The following MKNK1 variants were observed in gnomAD, a reference collection of about 807,000 sequenced individuals.
MKNK1 encodes the protein MAP kinase-interacting serine/threonine-protein kinase 1.
A neutral mutation model predicts 49.3 loss-of-function variants in MKNK1; 30 were observed. The observed-to-expected ratio is 0.61, with a 90% CI of 0.46 to 0.83. MKNK1 has a LOEUF of 0.83. Among genes scored for constraint, MKNK1 ranks in the 40% least tolerant of loss-of-function variants. The pLI is 0.00. For synonymous variants in MKNK1, 176 were observed against 201.7 expected (o/e 0.87, Z 1.08); for missense variants, 423 against 524.7 (o/e 0.81, Z 1.89).
At chr1:46,588,054 T>C (rs1672830992) in intron 2 of MKNK1, among the ~76,000 whole-genome samples, 1 of 152,234 alleles carries the variant, frequency 6.6e-6, no homozygotes, top group Admixed American at 6.5e-5. Context: ...TTTTGCCATA[T>C]TTCAGGTAAG....
intron 12 of MKNK1, among the ~76,000 whole-genome samples, chr1:46,559,114 T>C (rs1667474794): frequency 6.6e-6 from 1 of 152,184 alleles, no homozygotes; most frequent in Admixed American, 6.5e-5. Context: ...ACTGGGCACA[T>C]GAAACACACC....
intron 4 of MKNK1, among the ~76,000 whole-genome samples, chr1:46,576,856 A>G (rs1671038906): frequency 6.6e-6 from 1 of 152,186 alleles, no homozygotes; most frequent in Non-Finnish European, 1.5e-5. Flanking sequence ...AGCTCAGCTG[A>G]GCCCATTCCA....
chr1:46,593,553 T>A (rs1213027693), intron 2 of MKNK1: 3 of 152,402 alleles, frequency 2.0e-5, no homozygotes, highest in Admixed American at 1.3e-4. Flanking sequence ...AGTAGTTGTT[T>A]TAATTTCATA....
chr1:46,601,196 C>A (rs567329256), intron 1 of MKNK1, among the ~76,000 whole-genome samples: 1 of 152,178 alleles, frequency 6.6e-6, no homozygotes, highest in African/African-American at 2.4e-5. Flanking sequence ...GGATTACAGG[C>A]GTGAGCCACA....
chr1:46,572,073 C>T lies in MKNK1; in HGVS notation c.447G>A (p.Leu149=). 1 of 1,614,030 alleles carries T rather than the reference C, an allele frequency of 6.2e-7. No individual in the cohort carries two copies. Among genetic ancestry groups the T allele is most frequent in the Non-Finnish European group, 8.5e-7 (1 of 1,179,916 alleles). ...VRDVAAALDF[L]HTKGIAHRDL... The stretch of plus-strand genomic sequence containing the variant: ...AAAGGCTGGGTTCACCTTTGGTATG[C>T]AGGAAGTCAAGGGCAGCAGCAACGT... The change falls in exon 7 of 13, where the codon CTG becomes CTA. Residue 149 remains leucine (L), a synonymous_variant. Transcript: ENST00000371945.
chr1:46,558,559 G>A lies in MKNK1; in HGVS notation c.*16C>T. On this transcript the variant is annotated 3_prime_UTR_variant, in exon 13 of 13. Transcript: ENST00000371945. ...CCTGGCCAGGCCTAGGGCCTATAAGGTGTGACTGGAGCATTTCAGAGTGCT... is the reference window on the plus strand; with the variant it reads ...CCTGGCCAGGCCTAGGGCCTATAAGATGTGACTGGAGCATTTCAGAGTGCT... The A allele has an allele frequency of 6.3e-7, 1 of 1,590,748 alleles. No homozygotes were observed. The highest frequency in any genetic ancestry group is 2.2e-5 in the East Asian group (1 of 44,746).
In MKNK1 at chr1:46,589,602, G is replaced by A. The variant is rs1557884955; in HGVS notation, c.-3+4511C>T. The stretch of plus-strand genomic sequence containing the variant: ...TGAGTGAACGAGCACTGATGGTACT[G>A]AAGGTATAGTAAGTGTGAAGGATAC... On this transcript the variant is annotated intron_variant, in intron 2 of 12. Coordinates refer to ENST00000371945, the MANE Select transcript of MKNK1 (RefSeq NM_001135553.4). This position sits in a 1 kb window ranked among gnomAD's most constrained non-coding sequence, Gnocchi z 4.3. 6.6e-6 allele frequency among the ~76,000 whole-genome samples: 1 copy of A among 152,196 alleles called. No homozygotes were observed. Among genetic ancestry groups the A allele is most frequent in the Non-Finnish European group, 1.5e-5 (1 of 68,034 alleles).
chr1:46,584,427 G>GA (rs1672201029), intron 2 of MKNK1: 1 of 151,854 alleles, frequency 6.6e-6, no homozygotes, highest in African/African-American at 2.4e-5. Flanking sequence ...GTGCTGATGG[G>GA]GCATACGATG....
At position 46,558,434 on chromosome 1, in the gene MKNK1, C is replaced by G; in HGVS notation, c.*141G>C. ...TAGGGAAATGGGGGTTGATGGGAACCTCAGGGCCTTCGTAGATGAAAAAGC... is the reference window on the plus strand; with the variant it reads ...TAGGGAAATGGGGGTTGATGGGAACGTCAGGGCCTTCGTAGATGAAAAAGC... On this transcript the variant is annotated 3_prime_UTR_variant, in exon 13 of 13. Transcript: ENST00000371945. 4 of 844,212 alleles carry G rather than the reference C, an allele frequency of 4.7e-6. No individual in the cohort carries two copies. The highest frequency in any genetic ancestry group is 7.1e-6 in the Non-Finnish European group (4 of 565,236). The allele number at this position is 844,212 out of a possible 1,614,324, so 52.3% of individuals were successfully genotyped here. A position where few individuals can be genotyped will look rare whatever the true frequency, so the allele number is the denominator to read the frequency against.
Position 46,557,672 on chromosome 1 carries a change from G to C in MKNK1, c.*903C>G, listed in dbSNP as rs868472145. 6.6e-6 allele frequency: 1 copy of C among 152,542 alleles called. No homozygotes were observed. Among genetic ancestry groups the C allele is most frequent in the Non-Finnish European group, 1.5e-5 (1 of 68,046 alleles). 9.4% of individuals were successfully genotyped at this position (152,542 alleles called of 1,614,324 possible). The stretch of plus-strand genomic sequence containing the variant: ...GCCCAGATCTGTGCCACCCACACAA[G>C]ACCTGGGGACACAGCAGCAGACACC... On this transcript the variant is annotated 3_prime_UTR_variant, in exon 13 of 13. Transcript: ENST00000371945.
At chr1:46,578,367 G>A (rs1271188013) in intron 4 of MKNK1, among the ~76,000 whole-genome samples, 1 of 152,070 alleles carries the variant, frequency 6.6e-6, no homozygotes, top group Non-Finnish European at 1.5e-5. Flanking sequence ...GAAAGAGTAG[G>A]GGAGAGAAGA....
At chr1:46,565,318 T>TTA in intron 8 of MKNK1, 182 bp from the exon 9 acceptor site, 1 of 611,396 alleles carries the variant, frequency 1.6e-6, no homozygotes, top group South Asian at 1.9e-5. Context: ...AAGTGTCTTA[T>TTA]TCCCTGAGCT....
rs75856478 is a variant in MKNK1 at position 46,565,452 on chromosome 1, T to G, written c.514-316A>C. The G allele has an allele frequency of 5.7e-3, 2,117 of 370,170 alleles. 48 individuals are homozygous for G. Among genetic ancestry groups the G allele is most frequent in the African/African-American group, 0.041 (1,951 of 48,002 alleles). 22.9% of individuals were successfully genotyped at this position (370,170 alleles called of 1,614,324 possible). A position where few individuals can be genotyped will look rare whatever the true frequency, so the allele number is the denominator to read the frequency against. On this transcript the variant is annotated intron_variant, in intron 8 of 12. Transcript: ENST00000371945. ...ATGGTACAGGTTGCAGCACAGCAGCTAGGGAAGTTACTGTGTACTCCTGAG... is the reference window on the plus strand; with the variant it reads ...ATGGTACAGGTTGCAGCACAGCAGCGAGGGAAGTTACTGTGTACTCCTGAG...
chr1:46,582,633 C>G (rs372367541), intron 3 of MKNK1, among the ~76,000 whole-genome samples: 74 of 152,338 alleles, frequency 4.9e-4, no homozygotes, highest in African/African-American at 1.7e-3. Flanking sequence ...TCCAATCACC[C>G]CATCACATGC....
At chr1:46,559,502 C>T (rs1294409585) in intron 12 of MKNK1, among the ~76,000 whole-genome samples, 1 of 152,182 alleles carries the variant, frequency 6.6e-6, no homozygotes, top group African/African-American at 2.4e-5. Flanking sequence ...GTCAAACAGC[C>T]CAGGGCTGCT....
chr1:46,585,630 G>A lies in MKNK1; in HGVS notation c.-2-2301C>T, dbSNP rs575576488. The A allele has an allele frequency of 1.8e-4, 62 of 352,566 alleles. No individual in the cohort carries two copies. The Admixed American group carries it at 2.0e-3, about 11-fold the overall frequency. The allele number at this position is 352,566 out of a possible 1,614,324, so 21.8% of individuals were successfully genotyped here. The stretch of plus-strand genomic sequence containing the variant: ...TCCACACTTTGATGGAGGGCCCCAG[G>A]ACAAGCAAAACAGCCAAAAGACAGG... On this transcript the variant is annotated intron_variant, in intron 2 of 12. Transcript: ENST00000371945.
intron 1 of MKNK1, among the ~76,000 whole-genome samples, chr1:46,599,494 T>C (rs988798175): frequency 6.6e-6 from 1 of 152,168 alleles, no homozygotes; most frequent in African/African-American, 2.4e-5. Context: ...GCTGCCAAAA[T>C]GATCACCTAT....
rs568296534 is a variant in MKNK1 at position 46,564,466 on chromosome 1, G to GTTTTTTT, written c.609+568_609+574dup. On this transcript the variant is annotated intron_variant, in intron 9 of 12. Transcript: ENST00000371945. ...GGGCTCAGCCTGTGTTTTTTTTATT[G>GTTTTTTT]TTTTTTTTTTTTTTTTTTTTTTTTT... is the stretch of plus-strand genomic sequence containing the variant. Among the ~76,000 whole-genome samples the GTTTTTTT allele has an allele frequency of 6.7e-3, 473 of 70,144 alleles. 106 individuals carry two copies. The highest frequency in any genetic ancestry group is 0.02 in the African/African-American group (298 of 14,660). 46.0% of individuals were successfully genotyped at this position (70,144 alleles called of 152,430 possible). A position where few individuals can be genotyped will look rare whatever the true frequency, so the allele number is the denominator to read the frequency against.
intron 4 of MKNK1, among the ~76,000 whole-genome samples, chr1:46,578,968 G>A (rs1375495047): frequency 1.3e-5 from 2 of 152,006 alleles, no homozygotes; most frequent in Admixed American, 1.3e-4. Context: ...TGGCCAGGCT[G>A]GTCTTGAATT....
Sources: gnomAD v4.1 joint callset for allele counts (sites outside exome capture counted in the v4.1 genomes callset) on GRCh38, gnomAD v4.1.1 for gene constraint, Gnocchi (gnomAD v3.1) non-coding constraint, MANE v1.5 for transcripts, NCBI Gene and HGNC (gene_info 2026-07-23, HGNC 2026-07-21) for gene names.